EYA2: variants seen among roughly 807,000 people sequenced by gnomAD.
The protein encoded by EYA2 is EYA transcriptional coactivator and phosphatase 2.
A neutral mutation model predicts 69.2 loss-of-function variants in EYA2; 31 were observed. The ratio of observed to expected loss-of-function variants is 0.45; its 90% confidence interval spans 0.34 to 0.60. The LOEUF (loss-of-function observed/expected upper bound fraction) is 0.60, where lower values mean the gene tolerates loss of function less well. Ranked by LOEUF, EYA2 falls within the 20% of genes least tolerant of loss-of-function variation. The probability of loss-of-function intolerance (pLI) is 0.02; values close to 1 mark genes in which losing one functional copy is unlikely to be tolerated. For synonymous variants in EYA2, 257 were observed against 279.4 expected (o/e 0.92, Z 0.80); for missense variants, 622 against 701.2 (o/e 0.89, Z 1.28).
intron 15 of EYA2, among the ~76,000 whole-genome samples, chr20:47,186,319 A>G (rs1423910240): frequency 7.0e-6 from 1 of 143,716 alleles, no homozygotes; most frequent in East Asian, 2.0e-4. Context: ...CCTTCCCTTC[A>G]GTGACCTGCT....
intron 9 of EYA2, among the ~76,000 whole-genome samples, chr20:47,140,445 T>C (rs189118792): frequency 6.6e-6 from 1 of 152,280 alleles, no homozygotes; most frequent in African/African-American, 2.4e-5. Flanking sequence ...TTTCTTTTTT[T>C]TTAAGGGTCA....
chr20:47,165,582 G>A (rs1404760646), intron 10 of EYA2, among the ~76,000 whole-genome samples: 1 of 152,206 alleles, frequency 6.6e-6, no homozygotes, highest in African/African-American at 2.4e-5. Context: ...AACCCAGGGT[G>A]CTGCCCGTGG....
intron 1 of EYA2, among the ~76,000 whole-genome samples, chr20:46,947,411 A>G (rs925430467): frequency 2.6e-5 from 4 of 152,148 alleles, no homozygotes; most frequent in Admixed American, 2.0e-4. Context: ...ATACACACAG[A>G]TGTCCCCACC....
chr20:46,928,869 G>A (rs1465259031), intron 1 of EYA2, among the ~76,000 whole-genome samples: 5 of 152,128 alleles, frequency 3.3e-5, no homozygotes, highest in Admixed American at 3.3e-4. Context: ...GCCCGGAAGC[G>A]GTGCTGTGCC....
At chr20:46,986,983 C>A (rs1981267640) in intron 1 of EYA2, among the ~76,000 whole-genome samples, 1 of 152,134 alleles carries the variant, frequency 6.6e-6, no homozygotes, top group South Asian at 2.1e-4. Flanking sequence ...GAAAGTACTT[C>A]CTATGTGCAA....
intron 5 of EYA2, among the ~76,000 whole-genome samples, chr20:47,056,960 G>A (rs142814096): frequency 0.029 from 4,480 of 151,874 alleles, 226 homozygotes; most frequent in African/African-American, 0.1. Context: ...TGGGAGGATC[G>A]CCTGAGCCCG....
chr20:46,983,100 AT>A (rs547480675), intron 1 of EYA2, among the ~76,000 whole-genome samples: 1 of 152,050 alleles, frequency 6.6e-6, no homozygotes, highest in Non-Finnish European at 1.5e-5. Flanking sequence ...AAGAGCCTAG[AT>A]TTTTTTAGCA....
intron 1 of EYA2, among the ~76,000 whole-genome samples, chr20:46,903,799 C>A (rs1984228344): frequency 7.1e-6 from 1 of 141,028 alleles, no homozygotes. Context: ...TGACCTGAAG[C>A]AAATTACTTA....
intron 10 of EYA2, among the ~76,000 whole-genome samples, chr20:47,168,861 T>C (rs148457275): frequency 6.6e-6 from 1 of 152,276 alleles, no homozygotes; most frequent in East Asian, 1.9e-4. Flanking sequence ...CCATCCCCCT[T>C]TAATGCAAAA....
rs1303506487 is a variant in EYA2, at chr20:47,096,480, A to AT, written c.805-604dup. Among the ~76,000 whole-genome samples, 4 of 152,288 alleles carry AT rather than the reference A, an allele frequency of 2.6e-5. No individual in the cohort carries two copies. The East Asian group carries it at 7.7e-4, about 29-fold the overall frequency. ...TAGGGACTCCCATATCGATAGCTCCATGTTTGTTTACCTTTTTAGCCAAGG... is the reference window on the plus strand; with the variant it reads ...TAGGGACTCCCATATCGATAGCTCCATTGTTTGTTTACCTTTTTAGCCAAGG... On this transcript the variant is annotated intron_variant, in intron 8 of 15. Transcript: ENST00000327619.
chr20:46,922,881 C>T (rs1352215798), intron 1 of EYA2, among the ~76,000 whole-genome samples: 1 of 152,168 alleles, frequency 6.6e-6, no homozygotes, highest in Admixed American at 6.5e-5. Context: ...AATGTCATCA[C>T]TGAGAGGCAG....
intron 5 of EYA2, among the ~76,000 whole-genome samples, chr20:47,063,371 A>G (rs1600680632): frequency 7.5e-6 from 1 of 134,034 alleles, no homozygotes; most frequent in East Asian, 2.5e-4. Flanking sequence ...TTTTGGGTTT[A>G]TTTGTGTGTG....
At chr20:47,129,841 C>A (rs1030054963) in intron 9 of EYA2, among the ~76,000 whole-genome samples, 3 of 152,140 alleles carry the variant, frequency 2.0e-5, no homozygotes, top group Non-Finnish European at 2.9e-5. Flanking sequence ...AGTAGACCAT[C>A]CAACCAGCAA....
rs148619181 is a variant in EYA2 at position 47,009,767 on chromosome 20, T to C, written c.298+4683T>C. 3.3e-5 allele frequency among the ~76,000 whole-genome samples: 5 copies of C among 152,380 alleles called. No individual in the cohort carries two copies. The East Asian group carries it at 9.6e-4, about 29-fold the overall frequency. ...ACAAAGCATAAACGAATGGGCTGTC[T>C]ATGTCTCAAAAAACTTTATTTACAA... On this transcript the variant is annotated intron_variant, in intron 4 of 15. Coordinates refer to ENST00000327619, the MANE Select transcript of EYA2 (RefSeq NM_005244.5).
chr20:47,176,966 A>G (rs1295417364), intron 12 of EYA2, among the ~76,000 whole-genome samples: 3 of 151,716 alleles, frequency 2.0e-5, no homozygotes, highest in African/African-American at 7.3e-5. Context: ...TAATTTTTGT[A>G]TTTTTAGTAG....
chr20:47,003,496 G>T (rs529165269), intron 3 of EYA2, among the ~76,000 whole-genome samples: 1 of 152,370 alleles, frequency 6.6e-6, no homozygotes, highest in Admixed American at 6.5e-5. Context: ...GCAGACCCAG[G>T]TACGCTGAAG....
chr20:47,072,094 A>G lies in EYA2; in HGVS notation c.416-91A>G, dbSNP rs372008951. Reference sequence around the variant, plus strand: ...GCCCAGCTGTCACCCTTGAAGCCACATGGAGGGAGGTTCATGAAATGCTAA... The same window carrying G: ...GCCCAGCTGTCACCCTTGAAGCCACGTGGAGGGAGGTTCATGAAATGCTAA... On this transcript the variant is annotated intron_variant, in intron 5 of 15. Coordinates refer to ENST00000327619, the MANE Select transcript of EYA2 (RefSeq NM_005244.5). 1,687 of 1,177,978 alleles carry G rather than the reference A, an allele frequency of 1.4e-3. 38 individuals are homozygous for G. The South Asian group carries it at 0.019, about 13-fold the overall frequency. 73.0% of individuals were successfully genotyped at this position (1,177,978 alleles called of 1,614,324 possible).
At chr20:46,933,325 G>A (rs546156035) in intron 1 of EYA2, among the ~76,000 whole-genome samples, 1 of 152,320 alleles carries the variant, frequency 6.6e-6, no homozygotes, top group African/African-American at 2.4e-5. Context: ...GGCAGGAGGA[G>A]AACATCCGTG....
chr20:47,087,059 A>G (rs374157681), intron 7 of EYA2, among the ~76,000 whole-genome samples: 20 of 152,182 alleles, frequency 1.3e-4, no homozygotes, highest in East Asian at 7.7e-4. Context: ...TGCTCACTCA[A>G]TGTTTGGGAA....
Sources: allele counts gnomAD v4.1 joint callset (sites outside exome capture counted in the v4.1 genomes callset), GRCh38; gene constraint gnomAD v4.1.1; transcripts MANE v1.5; gene names NCBI Gene and HGNC (gene_info 2026-07-23, HGNC 2026-07-21).